Variants in FNBP4 observed in about 807,000 individuals in gnomAD.
The protein encoded by FNBP4 is formin binding protein 4, also known as formin-binding protein 4.
A neutral mutation model predicts 119.3 loss-of-function variants in FNBP4; 34 were observed. The observed-to-expected ratio is 0.28, with a 90% CI of 0.22 to 0.38. FNBP4 has a LOEUF of 0.38. FNBP4 is among the 10% of genes least tolerant of loss of function. The pLI, the probability that FNBP4 is intolerant of heterozygous loss-of-function variation, is 1.00. For missense variants in FNBP4, 1,112 were observed against 1,228.9 expected (o/e 0.90, Z 1.42); for synonymous variants, 462 against 430.6 (o/e 1.07, Z -0.90).
chr11:47,719,777 A>C, intron 16 of FNBP4, 152 bp downstream of exon 16: 2 of 813,180 alleles, frequency 2.5e-6, no homozygotes, highest in Non-Finnish European at 3.7e-6. Context: ...AAACATGTTT[A>C]TAAATTAGAA....
At chr11:47,746,906 G>A (rs1274555682) in intron 6 of FNBP4, among the ~76,000 whole-genome samples, 1 of 152,158 alleles carries the variant, frequency 6.6e-6, no homozygotes. Context: ...TTCTAGGTAG[G>A]ATTCAAATAT....
intron 6 of FNBP4, among the ~76,000 whole-genome samples, chr11:47,748,708 G>A (rs1420271381): frequency 6.6e-6 from 1 of 151,874 alleles, no homozygotes; most frequent in African/African-American, 2.4e-5. Flanking sequence ...GGAGTGCAGT[G>A]GTGCGGTCTC....
intron 12 of FNBP4, 111 bp downstream of exon 12, chr11:47,731,263 T>TCAA: frequency 9.3e-7 from 1 of 1,080,778 alleles, no homozygotes; most frequent in Non-Finnish European, 1.3e-6. Flanking sequence ...ACCACTATTC[T>TCAA]CAATCAGAAG....
rs777133090 is a variant in FNBP4, at chr11:47,724,600, A to T, written c.2187T>A (p.Pro729=). ...GGATCTCACCATCTTCCGCAGGAGG[A>T]GGTGGTGGAGGAGGGGGTGGAGGTG... ...PESPPPPPPP[P]PPAEDGEIQE... Residue 729 remains proline (P), a synonymous_variant, in exon 13 of 17, where the codon CCT becomes CCA. Coordinates refer to ENST00000263773, the MANE Select transcript of FNBP4 (RefSeq NM_015308.5). The T allele has an allele frequency of 2.5e-5, 41 of 1,613,356 alleles. No individual in the cohort carries two copies. Among genetic ancestry groups the T allele is most frequent in the Non-Finnish European group, 3.1e-5 (37 of 1,179,828 alleles).
intron 9 of FNBP4, among the ~76,000 whole-genome samples, chr11:47,736,371 C>G: frequency 6.6e-6 from 1 of 151,932 alleles, no homozygotes; most frequent in East Asian, 1.9e-4. Context: ...GCCTGGCCAA[C>G]ATGGTGAAAC....
In FNBP4 at chr11:47,765,367, AT is replaced by A. The variant is rs755969625; in HGVS notation, c.221-6del. 2.0e-6 allele frequency: 3 copies of A among 1,517,064 alleles called. No homozygotes were observed. The highest frequency in any genetic ancestry group is 2.7e-6 in the Non-Finnish European group (3 of 1,118,266). 94.0% of individuals were successfully genotyped at this position (1,517,064 alleles called of 1,614,324 possible). A position where few individuals can be genotyped will look rare whatever the true frequency, so the allele number is the denominator to read the frequency against. ...CCTGCACCGCTTCCTGTTCATCTGG[AT>A]TAAAAAAAAAGAAAAGAAAAGAAAA... On this transcript the variant is annotated splice_region_variant and splice_polypyrimidine_tract_variant and intron_variant, in intron 1 of 16. Transcript: ENST00000263773.
In FNBP4 at chr11:47,740,650, G is replaced by A. The variant is rs761315794; in HGVS notation, c.1456+3303C>T. Among the ~76,000 whole-genome samples, 30 of 151,090 alleles carry A rather than the reference G, an allele frequency of 2.0e-4. 1 individual carries two copies. The highest frequency in any genetic ancestry group is 3.7e-4 in the Non-Finnish European group (25 of 67,962). ...ACTCTGTCGCTTAGGCTGAAGTGCA[G>A]TGGCACAAACTCGGCTCACTCCAAC... On this transcript the variant is annotated intron_variant, in intron 8 of 16. Coordinates refer to ENST00000263773, the MANE Select transcript of FNBP4 (RefSeq NM_015308.5).
At chr11:47,730,222 AT>A in intron 12 of FNBP4, 1 of 985,304 alleles carries the variant, frequency 1.0e-6, no homozygotes, top group South Asian at 4.7e-5. Context: ...CCAATATATT[AT>A]TAGTCATGTC....
intron 8 of FNBP4, among the ~76,000 whole-genome samples, chr11:47,743,449 C>T (rs2097585123): frequency 6.6e-6 from 1 of 152,076 alleles, no homozygotes; most frequent in African/African-American, 2.4e-5. Context: ...TGCCTTTGTA[C>T]TCCAGCCTGG....
At chr11:47,724,368 ACCGTGC>A in intron 13 of FNBP4, 94 bp downstream of exon 13, 1 of 1,582,438 alleles carries the variant, frequency 6.3e-7, no homozygotes, top group East Asian at 2.2e-5. Flanking sequence ...GGCGTGAGCC[ACCGTGC>A]CCGGCCTTTA....
At chr11:47,733,137 G>T (rs1180820505) in intron 10 of FNBP4, among the ~76,000 whole-genome samples, 1 of 152,128 alleles carries the variant, frequency 6.6e-6, no homozygotes, top group Non-Finnish European at 1.5e-5. Flanking sequence ...TCCCAAGTAC[G>T]CAGCAGAGTT....
intron 16 of FNBP4, 150 bp downstream of exon 16, chr11:47,719,779 A>G: frequency 1.2e-6 from 1 of 828,306 alleles, no homozygotes; most frequent in East Asian, 2.9e-5. Context: ...ACATGTTTAT[A>G]AATTAGAAAC....
At chr11:47,765,233 TG>T in intron 2 of FNBP4, 36 bp downstream of exon 2, 1 of 1,387,276 alleles carries the variant, frequency 7.2e-7, no homozygotes, top group Non-Finnish European at 1.0e-6. Flanking sequence ...ATGAAAGACG[TG>T]GGAGAAAAAA....
chr11:47,753,107 A>C lies in FNBP4; in HGVS notation c.451-5T>G, dbSNP rs750663444. The C allele has an allele frequency of 8.2e-6, 13 of 1,588,646 alleles. No individual in the cohort carries two copies. In the South Asian group the frequency reaches 1.5e-4, roughly 18 times the overall value. On this transcript the variant is annotated splice_polypyrimidine_tract_variant and splice_region_variant and intron_variant, in intron 3 of 16. Coordinates refer to ENST00000263773, the MANE Select transcript of FNBP4 (RefSeq NM_015308.5). Reference sequence around the variant, plus strand: ...AGCTGTTATGGCATCGATCTCCTTCAGTATGAAAAGAGTAACAAATGCAGT... The same window carrying C: ...AGCTGTTATGGCATCGATCTCCTTCCGTATGAAAAGAGTAACAAATGCAGT...
At chr11:47,740,280 T>A (rs1333791545) in intron 8 of FNBP4, among the ~76,000 whole-genome samples, 1 of 151,578 alleles carries the variant, frequency 6.6e-6, no homozygotes, top group African/African-American at 2.4e-5. Context: ...CTGCGCAAGG[T>A]GGCGTGCGCC....
chr11:47,724,203 G>A (rs577349308), intron 13 of FNBP4, 31 bp from the exon 14 acceptor site: 4 of 1,612,132 alleles, frequency 2.5e-6, no homozygotes, highest in South Asian at 2.2e-5. Context: ...ATCAGTGGCT[G>A]AAGGCCATGG....
In FNBP4 at chr11:47,765,349, C is replaced by G. The variant is rs758121193; in HGVS notation, c.234G>C (p.Ala78=). ...DDSPSEDEQE[A]VQEVPRVVQN... ...GAACAACTCTAGGAACCTCCTGCAC[C>G]GCTTCCTGTTCATCTGGATTAAAAA... The change falls in exon 2 of 17, where the codon GCG becomes GCC. Residue 78 remains alanine (A), a synonymous_variant. Transcript: ENST00000263773. 6.3e-7 allele frequency: 1 copy of G among 1,583,150 alleles called. No individual in the cohort carries two copies. Among genetic ancestry groups the G allele is most frequent in the Non-Finnish European group, 8.6e-7 (1 of 1,165,150 alleles).
chr11:47,718,872 C>A (rs2097552269), intron 16 of FNBP4, among the ~76,000 whole-genome samples: 1 of 149,934 alleles, frequency 6.7e-6, no homozygotes, highest in African/African-American at 2.5e-5. Flanking sequence ...GCATCTAGGA[C>A]TACAGGTGTG....
intron 8 of FNBP4, among the ~76,000 whole-genome samples, chr11:47,741,243 C>T (rs1430727161): frequency 6.6e-6 from 1 of 151,484 alleles, no homozygotes; most frequent in African/African-American, 2.4e-5. Context: ...AATCATAGCT[C>T]ACTGCAGCCT....
Sources: gnomAD v4.1 joint callset for allele counts (sites outside exome capture counted in the v4.1 genomes callset) on GRCh38, gnomAD v4.1.1 for gene constraint, MANE v1.5 for transcripts, NCBI Gene and HGNC (gene_info 2026-07-23, HGNC 2026-07-21) for gene names.